The following PECR variants were observed in gnomAD, a reference collection of about 807,000 sequenced individuals.
The protein encoded by PECR is 2,4-dienoyl-CoA reductase-related protein.
PECR carries 30 observed loss-of-function variants against 35.3 expected under a neutral mutation model. The ratio of observed to expected loss-of-function variants is 0.85; its 90% CI spans 0.64 to 1.15. The LOEUF (loss-of-function observed/expected upper bound fraction) is 1.15. Among genes scored for constraint, PECR ranks in the 50% most tolerant of loss-of-function variants. The probability of loss-of-function intolerance (pLI) is 0.00; values close to 1 mark genes in which losing one functional copy is unlikely to be tolerated. For synonymous variants in PECR, 148 were observed against 138.9 expected, an observed-to-expected ratio of 1.07 and a Z score of -0.46; for missense variants, 392 against 370.8, an observed-to-expected ratio of 1.06 and a Z score of -0.47.
intron 5 of PECR, chr2:216,051,033 C>T (rs1441432950): frequency 5.5e-6 from 1 of 183,118 alleles, no homozygotes; most frequent in Non-Finnish European, 1.1e-5. Context: ...CATCTGTAAT[C>T]CCAGCACTTT....
intron 3 of PECR, among the ~76,000 whole-genome samples, chr2:216,061,956 G>A (rs1195438577): frequency 2.0e-5 from 3 of 148,506 alleles, no homozygotes; most frequent in Non-Finnish European, 3.0e-5. Flanking sequence ...TATTTAAAAC[G>A]AGTGTGTGTG....
At chr2:216,063,246 A>C (rs1385295627) in intron 3 of PECR, among the ~76,000 whole-genome samples, 2 of 152,182 alleles carry the variant, frequency 1.3e-5, no homozygotes, top group African/African-American at 4.8e-5. Context: ...TATCATATAG[A>C]TGTATAAAAC....
At chr2:216,055,019 G>A (rs1471149392) in intron 4 of PECR, among the ~76,000 whole-genome samples, 1 of 151,922 alleles carries the variant, frequency 6.6e-6, no homozygotes, top group Non-Finnish European at 1.5e-5. Flanking sequence ...GGCTGAGTCA[G>A]GAGAATTGCT....
At chr2:216,058,166 C>T (rs1253345653) in intron 4 of PECR, among the ~76,000 whole-genome samples, 1 of 152,182 alleles carries the variant, frequency 6.6e-6, no homozygotes, top group Non-Finnish European at 1.5e-5. Flanking sequence ...CAGAGTTTCT[C>T]TTGCAGCAGA....
chr2:216,080,113 G>A (rs528056384), intron 1 of PECR, among the ~76,000 whole-genome samples: 5 of 151,534 alleles, frequency 3.3e-5, no homozygotes, highest in African/African-American at 1.2e-4. Flanking sequence ...ATGGAATCTC[G>A]CTCTGTTGCC....
chr2:216,044,079 C>T, intron 6 of PECR, 64 bp from the exon 7 acceptor site: 2 of 828,678 alleles, frequency 2.4e-6, no homozygotes, highest in Non-Finnish European at 4.2e-6. Flanking sequence ...AACCGCCTCA[C>T]ATTCCCCAGT....
At chr2:216,062,507 AT>A (rs1404499168) in intron 3 of PECR, among the ~76,000 whole-genome samples, 1 of 152,194 alleles carries the variant, frequency 6.6e-6, no homozygotes, top group African/African-American at 2.4e-5. Flanking sequence ...TTCACCAATA[AT>A]TTATATGTGG....
At chr2:216,043,241 G>A (rs1479696565) in intron 7 of PECR, among the ~76,000 whole-genome samples, 1 of 151,746 alleles carries the variant, frequency 6.6e-6, no homozygotes, top group Non-Finnish European at 1.5e-5. Flanking sequence ...CCAAGTAGCT[G>A]GGACTACAGG....
chr2:216,044,007 A>G lies in PECR; in HGVS notation c.723T>C (p.Ser241=). The G allele has an allele frequency of 6.3e-7, 1 of 1,588,200 alleles. No individual in the cohort carries two copies. Among genetic ancestry groups the G allele is most frequent in the Non-Finnish European group, 8.6e-7 (1 of 1,156,334 alleles). The change falls in exon 7 of 8, where the codon TCT becomes TCC. Residue 241 remains serine (S), a synonymous_variant. Coordinates refer to ENST00000265322, the MANE Select transcript of PECR (RefSeq NM_018441.6). ...KRIGVPEEVS[S]VVCFLLSPAA... ...CAGGAGACAGTAGGAAGCAGACCACAGAGGAGACCTGGAAACAGAAACACA... is the reference window on the plus strand; with the variant it reads ...CAGGAGACAGTAGGAAGCAGACCACGGAGGAGACCTGGAAACAGAAACACA...
rs1166587568 is a variant in PECR at position 216,058,951 on chromosome 2, A to G, written c.450T>C (p.His150=). 1 of 1,609,892 alleles carries G rather than the reference A, an allele frequency of 6.2e-7. No individual in the cohort carries two copies. Among genetic ancestry groups the G allele is most frequent in the African/African-American group, 1.3e-5 (1 of 74,936 alleles). Residue 150 remains histidine (H), a synonymous_variant, in exon 4 of 8, where the codon CAT becomes CAC. Coordinates refer to ENST00000265322, the MANE Select transcript of PECR (RefSeq NM_018441.6). ...CAATGATATTGACGATAGATCCTCC[A>G]TGCTCTTTCATCCAGGAGCTGTAAA... ...KAVYSSWMKE[H]GGSIVNIIVP...
intron 1 of PECR, among the ~76,000 whole-genome samples, chr2:216,073,921 T>A (rs1235381534): frequency 6.6e-6 from 1 of 152,214 alleles, no homozygotes; most frequent in Non-Finnish European, 1.5e-5. Flanking sequence ...CTGTGTTAAG[T>A]GACACATGAC....
intron 2 of PECR, among the ~76,000 whole-genome samples, chr2:216,065,711 C>T (rs576011733): frequency 6.6e-6 from 1 of 152,164 alleles, no homozygotes; most frequent in Non-Finnish European, 1.5e-5. Context: ...ATTTTGACGA[C>T]AAGATATATC....
chr2:216,080,173 C>T (rs770182910), intron 1 of PECR, among the ~76,000 whole-genome samples: 7 of 151,842 alleles, frequency 4.6e-5, no homozygotes, highest in African/African-American at 7.3e-5. Flanking sequence ...CCTCTGCCTC[C>T]CAGGTTCAAG....
At chr2:216,058,808 G>T in intron 4 of PECR, 87 bp downstream of exon 4, 1 of 771,480 alleles carries the variant, frequency 1.3e-6, no homozygotes, top group South Asian at 1.5e-5. Flanking sequence ...TAATGATCTT[G>T]ATTTAAGAAA....
intron 4 of PECR, among the ~76,000 whole-genome samples, chr2:216,056,975 G>T (rs1473688964): frequency 6.6e-6 from 1 of 151,638 alleles, no homozygotes; most frequent in East Asian, 1.9e-4. Flanking sequence ...GACAAGCTGT[G>T]TTTTTTTTCT....
chr2:216,047,644 T>C (rs1483739269), intron 6 of PECR, among the ~76,000 whole-genome samples: 1 of 152,230 alleles, frequency 6.6e-6, no homozygotes, highest in Non-Finnish European at 1.5e-5. Flanking sequence ...TAAATACAGC[T>C]TCATAGTATG....
intron 1 of PECR, among the ~76,000 whole-genome samples, chr2:216,067,506 G>A (rs1193311298): frequency 6.6e-6 from 1 of 152,072 alleles, no homozygotes; most frequent in Non-Finnish European, 1.5e-5. Context: ...TTGTTTTCAA[G>A]TGACCTAACT....
intron 1 of PECR, among the ~76,000 whole-genome samples, chr2:216,075,717 C>A (rs1486399206): frequency 5.3e-5 from 8 of 152,134 alleles, no homozygotes. Context: ...TGCTGCGTTC[C>A]TGCTTAGGCT....
intron 1 of PECR, among the ~76,000 whole-genome samples, chr2:216,071,252 G>A (rs554939173): frequency 6.6e-6 from 1 of 152,176 alleles, no homozygotes; most frequent in Non-Finnish European, 1.5e-5. Flanking sequence ...AGAAGCAAAG[G>A]CTTTTGTGGC....
Sources: allele counts gnomAD v4.1 joint callset (sites outside exome capture counted in the v4.1 genomes callset), GRCh38; gene constraint gnomAD v4.1.1; transcripts MANE v1.5; gene names NCBI Gene and HGNC (gene_info 2026-07-23, HGNC 2026-07-21).